The following CTNND2 variants were observed in gnomAD, a reference collection of about 807,000 sequenced individuals.
CTNND2 encodes the protein catenin delta-2.
In CTNND2, 22 loss-of-function variants were observed where a neutral mutation model predicts 144.4. The observed-to-expected ratio is 0.15, with a 90% confidence interval of 0.11 to 0.22. The LOEUF (loss-of-function observed/expected upper bound fraction) is 0.22. Among genes scored for constraint, CTNND2 ranks in the 10% least tolerant of loss-of-function variants. CTNND2 has a pLI of 1.00. For missense variants in CTNND2, 1,353 were observed against 1,618.8 expected (o/e 0.84, Z 2.82); for synonymous variants, 751 against 695.6 (o/e 1.08, Z -1.25).
chr5:11,901,822 T>C (rs1435677054), intron 1 of CTNND2, among the ~76,000 whole-genome samples: 1 of 152,114 alleles, frequency 6.6e-6, no homozygotes, highest in Non-Finnish European at 1.5e-5. Flanking sequence ...CAGAGCAGTA[T>C]CAACTAGTCC....
At chr5:11,821,326 A>ACTTACT (rs2126941583) in intron 1 of CTNND2, among the ~76,000 whole-genome samples, 1 of 152,280 alleles carries the variant, frequency 6.6e-6, no homozygotes, top group South Asian at 2.1e-4. Context: ...TCGCTTCACA[A>ACTTACT]CTTACTCTGA....
chr5:11,450,689 G>A (rs1765226044), intron 3 of CTNND2, among the ~76,000 whole-genome samples: 1 of 152,150 alleles, frequency 6.6e-6, no homozygotes, highest in South Asian at 2.1e-4. Context: ...CACGAGGTCA[G>A]GAGATCGAGA....
At chr5:11,835,308 G>A (rs1474855058) in intron 1 of CTNND2, among the ~76,000 whole-genome samples, 1 of 152,114 alleles carries the variant, frequency 6.6e-6, no homozygotes, top group African/African-American at 2.4e-5. Flanking sequence ...AGGGTAATGT[G>A]GCCTCATAAA....
intron 16 of CTNND2, among the ~76,000 whole-genome samples, chr5:11,072,797 C>T (rs991611621): frequency 6.6e-6 from 1 of 152,232 alleles, no homozygotes; most frequent in African/African-American, 2.4e-5. Flanking sequence ...GGGACACTGG[C>T]GGGGCTGCAT....
intron 10 of CTNND2, among the ~76,000 whole-genome samples, chr5:11,209,697 C>A (rs1738420595): frequency 6.6e-6 from 1 of 152,126 alleles, no homozygotes; most frequent in Non-Finnish European, 1.5e-5. Flanking sequence ...CCGAGGTGGG[C>A]AGATCACGAG....
intron 17 of CTNND2, among the ~76,000 whole-genome samples, chr5:11,020,832 A>AACCCTAACCCTAACCCTAACCC (rs1561183187): frequency 2.7e-5 from 4 of 150,918 alleles, no homozygotes; most frequent in African/African-American, 9.9e-5. Context: ...CCAATTTAAC[A>AACCCTAACCCTAACCCTAACCC]CTTCTTATTA....
chr5:11,598,416 C>G (rs1779626032), intron 2 of CTNND2, among the ~76,000 whole-genome samples: 1 of 152,122 alleles, frequency 6.6e-6, no homozygotes, highest in African/African-American at 2.4e-5. Flanking sequence ...GGTCTCCTAC[C>G]CAGTAATCCC....
chr5:11,720,078 A>G (rs1458623062), intron 2 of CTNND2, among the ~76,000 whole-genome samples: 1 of 152,122 alleles, frequency 6.6e-6, no homozygotes, highest in Non-Finnish European at 1.5e-5. Flanking sequence ...CTGTGCTGCC[A>G]CCCACTGGTC....
chr5:11,069,268 G>A (rs1278508293), intron 16 of CTNND2, among the ~76,000 whole-genome samples: 1 of 152,130 alleles, frequency 6.6e-6, no homozygotes, highest in African/African-American at 2.4e-5. Flanking sequence ...TGCCAAACTC[G>A]GGGGGTATAC....
At chr5:10,984,523 G>T (rs1737693613) in intron 20 of CTNND2, among the ~76,000 whole-genome samples, 1 of 151,848 alleles carries the variant, frequency 6.6e-6, no homozygotes, top group Non-Finnish European at 1.5e-5. Flanking sequence ...AATCTTAAAA[G>T]CACGAGGCAC....
intron 2 of CTNND2, among the ~76,000 whole-genome samples, chr5:11,620,573 T>C (rs1780781281): frequency 6.6e-6 from 1 of 152,208 alleles, no homozygotes; most frequent in Non-Finnish European, 1.5e-5. Flanking sequence ...CTTGTCCGTA[T>C]AGCCTGGAAT....
intron 2 of CTNND2, among the ~76,000 whole-genome samples, chr5:11,692,054 A>T (rs1371946037): frequency 2.0e-5 from 3 of 152,164 alleles, no homozygotes; most frequent in Non-Finnish European, 4.4e-5. Flanking sequence ...AAACTGGTTT[A>T]AAAAAAAGTT....
chr5:11,020,739 T>TA (rs59064212), intron 17 of CTNND2, among the ~76,000 whole-genome samples: 1 of 150,660 alleles, frequency 6.6e-6, no homozygotes, highest in Non-Finnish European at 1.5e-5. Context: ...AGTATATATA[T>TA]AAAAAAAGAG....
intron 9 of CTNND2, among the ~76,000 whole-genome samples, chr5:11,335,478 G>C (rs1753647485): frequency 6.6e-6 from 1 of 152,146 alleles, no homozygotes; most frequent in Non-Finnish European, 1.5e-5. Flanking sequence ...GTTTGCACAT[G>C]AAATAACCAA....
At chr5:11,577,158 TC>T (rs1778035136) in intron 2 of CTNND2, among the ~76,000 whole-genome samples, 1 of 152,216 alleles carries the variant, frequency 6.6e-6, no homozygotes. Context: ...CATTATCTTC[TC>T]ATCGAAATCT....
chr5:11,785,556 A>C (rs146621170), intron 1 of CTNND2, among the ~76,000 whole-genome samples: 299 of 152,346 alleles, frequency 2.0e-3, no homozygotes, highest in African/African-American at 6.8e-3. Flanking sequence ...GGAAGCAAGC[A>C]TTAGATGGAA....
chr5:11,499,861 T>A (rs1021553629), intron 3 of CTNND2, among the ~76,000 whole-genome samples: 10 of 152,278 alleles, frequency 6.6e-5, no homozygotes, highest in Non-Finnish European at 1.3e-4. Flanking sequence ...TAAAAAGAAG[T>A]ATTTTTTTTT....
intron 2 of CTNND2, among the ~76,000 whole-genome samples, chr5:11,616,435 G>T (rs1046436361): frequency 1.3e-5 from 2 of 152,082 alleles, no homozygotes; most frequent in Non-Finnish European, 2.9e-5. Context: ...GTATCTGATG[G>T]TTAACTACAC....
intron 2 of CTNND2, among the ~76,000 whole-genome samples, chr5:11,726,983 G>A (rs921207374): frequency 2.6e-5 from 4 of 152,166 alleles, no homozygotes; most frequent in African/African-American, 9.7e-5. Context: ...ACATAAGAGA[G>A]CATCAGGAAG....
Sources: gnomAD v4.1 joint callset for allele counts (sites outside exome capture counted in the v4.1 genomes callset) on GRCh38, gnomAD v4.1.1 for gene constraint, MANE v1.5 for transcripts, NCBI Gene and HGNC (gene_info 2026-07-23, HGNC 2026-07-21) for gene names.